The following CUEDC1 variants were observed in gnomAD, a reference collection of about 807,000 sequenced individuals.
CUEDC1 encodes the protein CUE domain-containing protein 1.
In CUEDC1, 30 loss-of-function variants were observed where a neutral mutation model predicts 43.7. The observed-to-expected ratio is 0.69, with a 90% CI of 0.51 to 0.93. The LOEUF (loss-of-function observed/expected upper bound fraction) is 0.93. CUEDC1 is among the 40% of genes least tolerant of loss of function. The probability of loss-of-function intolerance (pLI) is 0.00; values close to 1 mark genes in which losing one functional copy is unlikely to be tolerated. For synonymous variants in CUEDC1, 223 were observed against 223.6 expected (o/e 1.00, Z 0.02); for missense variants, 486 against 549.0 (o/e 0.89, Z 1.15).
intron 1 of CUEDC1, among the ~76,000 whole-genome samples, chr17:57,895,713 C>A (rs1019893723): frequency 6.6e-6 from 1 of 152,210 alleles, no homozygotes; most frequent in Admixed American, 6.5e-5. Context: ...CCCTCCCCTC[C>A]CAGGTGCCAC....
rs1332185253 is a variant in CUEDC1, at chr17:57,868,197, C to A, written c.987G>T (p.Lys329Asn). The A allele has an allele frequency of 6.2e-7, 1 of 1,614,226 alleles. No homozygotes were observed. Among genetic ancestry groups the A allele is most frequent in the Non-Finnish European group, 8.5e-7 (1 of 1,180,040 alleles). Residue 329 changes from lysine to asparagine, a missense_variant, in exon 8 of 11, where the codon AAG becomes AAT. Transcript: ENST00000577830. Reference sequence around the variant, plus strand: ...TCCTCTTTGACTTCCTCATTTTGGTCTTCTCTGAGAAGGCTCGGGCAAGTT... The same window carrying A: ...TCCTCTTTGACTTCCTCATTTTGGTATTCTCTGAGAAGGCTCGGGCAAGTT... ...LFELARAFSE[K>N]TKMRKSKRKH...
chr17:57,898,259 A>T (rs1450593350), intron 1 of CUEDC1, among the ~76,000 whole-genome samples: 2 of 152,256 alleles, frequency 1.3e-5, no homozygotes, highest in East Asian at 3.9e-4. Flanking sequence ...GCTGGCTCAT[A>T]GCATAGCTGT....
At chr17:57,950,893 C>T (rs899499492) in intron 1 of CUEDC1, among the ~76,000 whole-genome samples, 3 of 152,210 alleles carry the variant, frequency 2.0e-5, no homozygotes, top group Non-Finnish European at 4.4e-5. Flanking sequence ...GCCATTCAAC[C>T]CTTCTCACTG....
intron 10 of CUEDC1, among the ~76,000 whole-genome samples, chr17:57,863,537 C>G (rs1322123854): frequency 6.6e-6 from 1 of 152,130 alleles, no homozygotes; most frequent in Non-Finnish European, 1.5e-5. Flanking sequence ...GAATGGAATC[C>G]CGGGGTGAAG....
In CUEDC1 at chr17:57,869,130, A is replaced by G; in HGVS notation, c.932T>C (p.Met311Thr). The G allele has an allele frequency of 6.2e-7, 1 of 1,613,962 alleles. No individual in the cohort carries two copies. Among genetic ancestry groups the G allele is most frequent in the South Asian group, 1.1e-5 (1 of 90,986 alleles). Residue 311 changes from methionine (M) to threonine (T), a missense_variant, in exon 7 of 11, where the codon ATG (methionine) becomes ACG (threonine). Physicochemically the swap from Met to Thr is moderately conservative, Grantham distance 81. Coordinates refer to ENST00000577830, the MANE Select transcript of CUEDC1 (RefSeq NM_001271875.2). ...GCCTGAGTGGGACTCACACTTTCCCATGTGTTTCAGCTTGTCCCTGAATAA... is the reference window on the plus strand; with the variant it reads ...GCCTGAGTGGGACTCACACTTTCCCGTGTGTTTCAGCTTGTCCCTGAATAA... The part of the protein sequence containing the change: ...DALFRDKLKH[M>T]GKSTRRKLFE...
chr17:57,951,081 C>T (rs981926841), intron 1 of CUEDC1, among the ~76,000 whole-genome samples: 4 of 147,466 alleles, frequency 2.7e-5, no homozygotes, highest in African/African-American at 5.0e-5. Flanking sequence ...GTCCTCTCTG[C>T]TCATCATTCA....
chr17:57,873,500 A>G, intron 4 of CUEDC1, 91 bp downstream of exon 4: 1 of 1,392,752 alleles, frequency 7.2e-7, no homozygotes, highest in Non-Finnish European at 9.6e-7. Flanking sequence ...TTTAAACATC[A>G]GGAAGTAAAA....
Position 57,954,536 on chromosome 17 carries a change from G to GC in CUEDC1, c.-316+688dup, listed in dbSNP as rs1173602818. Among the ~76,000 whole-genome samples the GC allele has an allele frequency of 2.6e-5, 4 of 152,138 alleles. No individual in the cohort carries two copies. The East Asian group carries it at 7.7e-4, about 29-fold the overall frequency. Reference sequence around the variant, plus strand: ...GAGGAATGAATAAACGCTGACACCAGCCCCCCTTGGAGCTCAGAGCCTGGG... The same window carrying GC: ...GAGGAATGAATAAACGCTGACACCAGCCCCCCCTTGGAGCTCAGAGCCTGGG... On this transcript the variant is annotated intron_variant, in intron 1 of 10. Transcript: ENST00000577830. The surrounding 1 kb of genome is among the most constrained non-coding windows in gnomAD (Gnocchi z 4.3).
At chr17:57,911,362 T>C (rs2143057830) in intron 1 of CUEDC1, among the ~76,000 whole-genome samples, 1 of 152,264 alleles carries the variant, frequency 6.6e-6, no homozygotes, top group Non-Finnish European at 1.5e-5. Flanking sequence ...TCTCTTCCCT[T>C]CCAGAGCACC....
At chr17:57,896,971 A>G (rs2074418012) in intron 1 of CUEDC1, among the ~76,000 whole-genome samples, 2 of 152,148 alleles carry the variant, frequency 1.3e-5, no homozygotes, top group East Asian at 1.9e-4. Context: ...GGGTTTCACC[A>G]TGTTGGCCAG....
chr17:57,900,310 C>G (rs8080755), intron 1 of CUEDC1, among the ~76,000 whole-genome samples: 50,187 of 151,994 alleles, frequency 0.33, 9,353 homozygotes, highest in African/African-American at 0.49. Context: ...CTGGGGGAGC[C>G]GGTCAGGACC....
intron 1 of CUEDC1, among the ~76,000 whole-genome samples, chr17:57,947,526 C>T (rs777471304): frequency 3.3e-5 from 5 of 152,122 alleles, no homozygotes; most frequent in Non-Finnish European, 5.9e-5. Flanking sequence ...GAGCCAGGCA[C>T]GGTGGCTCAC....
intron 8 of CUEDC1, among the ~76,000 whole-genome samples, chr17:57,867,885 A>C (rs2073982908): frequency 6.6e-6 from 1 of 152,232 alleles, no homozygotes; most frequent in South Asian, 2.1e-4. Flanking sequence ...CAGACCAAAA[A>C]AAAAGTTAAT....
chr17:57,916,612 G>A (rs927799334), intron 1 of CUEDC1, among the ~76,000 whole-genome samples: 3 of 152,186 alleles, frequency 2.0e-5, no homozygotes, highest in Admixed American at 6.5e-5. Flanking sequence ...GGAAGACAGC[G>A]GAAGGATGAA....
chr17:57,924,531 G>A (rs192481857), intron 1 of CUEDC1, among the ~76,000 whole-genome samples: 32 of 152,318 alleles, frequency 2.1e-4, no homozygotes, highest in African/African-American at 6.7e-4. Context: ...TGTCTATCCC[G>A]TGTGTTGCGT....
chr17:57,916,036 G>A (rs932793994), intron 1 of CUEDC1, among the ~76,000 whole-genome samples: 6 of 152,128 alleles, frequency 3.9e-5, no homozygotes, highest in East Asian at 3.8e-4. Context: ...TCATATTACC[G>A]AAGCCTCATC....
chr17:57,904,900 C>T (rs2074512309), intron 1 of CUEDC1, among the ~76,000 whole-genome samples: 1 of 152,178 alleles, frequency 6.6e-6, no homozygotes, highest in African/African-American at 2.4e-5. Context: ...CCGGGTCCAA[C>T]TCATCCCCCT....
intron 1 of CUEDC1, among the ~76,000 whole-genome samples, chr17:57,915,869 C>A (rs893628467): frequency 6.6e-6 from 1 of 152,192 alleles, no homozygotes; most frequent in African/African-American, 2.4e-5. Flanking sequence ...AGAGCTCAGT[C>A]TAAAGACATG....
At chr17:57,887,291 C>G (rs2074302810) in intron 1 of CUEDC1, among the ~76,000 whole-genome samples, 1 of 152,154 alleles carries the variant, frequency 6.6e-6, no homozygotes, top group Non-Finnish European at 1.5e-5. Flanking sequence ...CCCACTCAAA[C>G]CCAGGCATGT....
Sources: allele counts gnomAD v4.1 joint callset (sites outside exome capture counted in the v4.1 genomes callset), GRCh38; gene constraint gnomAD v4.1.1; non-coding constraint Gnocchi (gnomAD v3.1); transcripts MANE v1.5; gene names NCBI Gene and HGNC (gene_info 2026-07-23, HGNC 2026-07-21).